USP3: variants seen among roughly 807,000 people sequenced by gnomAD.
USP3 encodes ubiquitin carboxyl-terminal hydrolase 3.
Under a neutral mutation model 72.3 loss-of-function variants are expected in USP3, and 20 were observed. The ratio of observed to expected loss-of-function variants is 0.28; its 90% CI spans 0.19 to 0.40. The LOEUF is 0.40. Among genes scored for constraint, USP3 ranks in the 10% least tolerant of loss-of-function variants. USP3 has a pLI of 1.00. For missense variants in USP3, 479 were observed against 633.9 expected (o/e 0.76, Z 2.62); for synonymous variants, 222 against 225.3 (o/e 0.99, Z 0.13).
rs1459616207 is a variant in USP3, at chr15:63,532,666, C to T, written c.111C>T (p.Ser37=). The T allele has an allele frequency of 1.1e-5, 18 of 1,613,844 alleles. No homozygotes were observed. The highest frequency in any genetic ancestry group is 1.5e-5 in the Non-Finnish European group (18 of 1,179,932). Residue 37 remains serine, a synonymous_variant, in exon 2 of 15, where the codon AGC becomes AGT. Transcript: ENST00000380324. ...WCCSVCRSNK[S]PWVCLTCSSV... is the part of the protein sequence containing the mutation. ...TATTAGTGTGCCGGTCCAACAAAAG[C>T]CCTTGGGTCTGTTTGACTTGTTCAA...
chr15:63,531,845 G>A (rs1413359315), intron 1 of USP3, among the ~76,000 whole-genome samples: 1 of 152,156 alleles, frequency 6.6e-6, no homozygotes, highest in Admixed American at 6.5e-5. Context: ...CACCTGGGAA[G>A]CTACTTTGCG....
At chr15:63,525,657 A>G (rs1001288811) in intron 1 of USP3, among the ~76,000 whole-genome samples, 6 of 152,230 alleles carry the variant, frequency 3.9e-5, no homozygotes, top group African/African-American at 7.2e-5. Context: ...AAATTTCAGC[A>G]TAGAATAGGC....
At position 63,589,019 on chromosome 15, in the gene USP3, C is replaced by A. The variant is rs1396139126; in HGVS notation, c.1397+8C>A. 1 of 1,612,986 alleles carries A rather than the reference C, an allele frequency of 6.2e-7. No individual in the cohort carries two copies. The highest frequency in any genetic ancestry group is 8.5e-7 in the Non-Finnish European group (1 of 1,180,024). ...GGTGCACCATGGTTCCGGGTGAGTACAACAGCCAGCTTCTGGTGGGTGGGA... is the reference window on the plus strand; with the variant it reads ...GGTGCACCATGGTTCCGGGTGAGTAAAACAGCCAGCTTCTGGTGGGTGGGA... On this transcript the variant is annotated splice_region_variant and intron_variant, in intron 14 of 14. Transcript: ENST00000380324.
At chr15:63,513,410 C>T (rs1392154323) in intron 1 of USP3, among the ~76,000 whole-genome samples, 1 of 152,168 alleles carries the variant, frequency 6.6e-6, no homozygotes, top group Non-Finnish European at 1.5e-5. Flanking sequence ...AATGGAGTCT[C>T]ACTCTGTCAC....
rs915425750 is a variant in USP3, at chr15:63,592,069, A to C, written c.*1243A>C. 2.6e-5 allele frequency: 4 copies of C among 151,004 alleles called. No homozygotes were observed. Among genetic ancestry groups the C allele is most frequent in the Admixed American group, 2.0e-4 (3 of 15,148 alleles). 9.4% of individuals were successfully genotyped at this position (151,004 alleles called of 1,614,324 possible). On this transcript the variant is annotated 3_prime_UTR_variant, in exon 15 of 15. Transcript: ENST00000380324. Reference sequence around the variant, plus strand: ...TGGGATTACAGGTGCCCACCACTACACCTGGCTAATTTTTTTTTTGTATTT... The same window carrying C: ...TGGGATTACAGGTGCCCACCACTACCCCTGGCTAATTTTTTTTTTGTATTT...
intron 1 of USP3, among the ~76,000 whole-genome samples, chr15:63,515,147 T>A (rs1372579858): frequency 6.6e-6 from 1 of 152,216 alleles, no homozygotes; most frequent in Admixed American, 6.5e-5. Flanking sequence ...CCACTATCCT[T>A]TCCCCTCGTT....
chr15:63,553,480 G>C lies in USP3; in HGVS notation c.285-235G>C, dbSNP rs945227398. 2.8e-6 allele frequency: 1 copy of C among 353,434 alleles called. No individual in the cohort carries two copies. Among genetic ancestry groups the C allele is most frequent in the East Asian group, 4.6e-5 (1 of 21,660 alleles). The allele number at this position is 353,434 out of a possible 1,614,324, so 21.9% of individuals were successfully genotyped here. On this transcript the variant is annotated intron_variant, in intron 3 of 14. Coordinates refer to ENST00000380324, the MANE Select transcript of USP3 (RefSeq NM_006537.4). The surrounding 1 kb of genome is among the most constrained non-coding windows in gnomAD (Gnocchi z 4.2). ...TTTCATTTTCAAAGGAGGAATTGAA[G>C]AGCTTTTGAGTAAAAAACGTGAAAA...
At chr15:63,537,656 G>A (rs1449104558) in intron 3 of USP3, among the ~76,000 whole-genome samples, 1 of 152,094 alleles carries the variant, frequency 6.6e-6, no homozygotes, top group African/African-American at 2.4e-5. Flanking sequence ...AAAGGTGAAT[G>A]TCAAGAATTT....
chr15:63,504,883 C>A, intron 1 of USP3, 53 bp downstream of exon 1: 4 of 1,419,068 alleles, frequency 2.8e-6, no homozygotes, highest in Non-Finnish European at 3.7e-6. Context: ...GCGGCTCTGC[C>A]GGGCCTGCCG....
At chr15:63,556,268 A>G (rs1343435567) in intron 4 of USP3, 1 of 156,462 alleles carries the variant, frequency 6.4e-6, no homozygotes, top group Non-Finnish European at 1.4e-5. Flanking sequence ...AAATTAAGAA[A>G]GAAATAGCAT....
intron 1 of USP3, among the ~76,000 whole-genome samples, chr15:63,527,235 T>A (rs554757900): frequency 9.1e-4 from 138 of 152,174 alleles, no homozygotes; most frequent in Admixed American, 2.7e-3. Flanking sequence ...GGGGACATGA[T>A]CATCACCTAC....
Position 63,574,295 on chromosome 15 carries a change from TCTCTG to T in USP3, c.1016-27_1016-23del, listed in dbSNP as rs2066826278. On this transcript the variant is annotated intron_variant, in intron 10 of 14. Coordinates refer to ENST00000380324, the MANE Select transcript of USP3 (RefSeq NM_006537.4). This position sits in a 1 kb window ranked among gnomAD's most constrained non-coding sequence, Gnocchi z 4.6. ...AATGGACATATATGCCTTTAACAGCTCTCTGTTTACCTCTCTCTCCTTTTAAGACC... is the reference window on the plus strand; with the variant it reads ...AATGGACATATATGCCTTTAACAGCTTTTACCTCTCTCTCCTTTTAAGACC... 6.4e-7 allele frequency: 1 copy of T among 1,552,406 alleles called. No homozygotes were observed. The highest frequency in any genetic ancestry group is 1.4e-5 in the African/African-American group (1 of 71,928).
chr15:63,580,650 A>ATATATATATATATATATATG (rs2066938655), intron 11 of USP3, among the ~76,000 whole-genome samples: 1 of 61,912 alleles, frequency 1.6e-5, no homozygotes, highest in African/African-American at 7.6e-5. Context: ...GCATATATAT[A>ATATATATATATATATATATG]TGAATATATA....
intron 1 of USP3, among the ~76,000 whole-genome samples, chr15:63,521,256 C>T (rs1210000465): frequency 1.3e-5 from 2 of 151,746 alleles, no homozygotes; most frequent in Admixed American, 1.3e-4. Flanking sequence ...GGATGTGCGA[C>T]AGTGAATTCA....
chr15:63,542,328 C>A, intron 3 of USP3: 1 of 371,650 alleles, frequency 2.7e-6, no homozygotes, highest in Non-Finnish European at 3.7e-6. Context: ...CATGTGACTG[C>A]TAGCTACTAT....
At chr15:63,547,753 GGAGGGAGGGAGAGAGAGAGAGAGAGAGA>G (rs757856549) in intron 3 of USP3, among the ~76,000 whole-genome samples, 4,956 of 40,126 alleles carry the variant, frequency 0.12, 349 homozygotes, top group Non-Finnish European at 0.16. Context: ...AGGGAGGGAG[GGAGGGAGGGAGAGAGAGAGAGAGAGAGA>G]GAGAGAGAGA....
chr15:63,558,306 T>TGC, intron 6 of USP3, 118 bp downstream of exon 6: 4 of 1,115,170 alleles, frequency 3.6e-6, no homozygotes, highest in Non-Finnish European at 5.2e-6. Context: ...ATACCTTAAT[T>TGC]TCCTGTGCTT....
intron 3 of USP3, among the ~76,000 whole-genome samples, chr15:63,543,255 A>G (rs2066271746): frequency 6.6e-6 from 1 of 152,126 alleles, no homozygotes; most frequent in Non-Finnish European, 1.5e-5. Context: ...CTTGGGACAG[A>G]TCGTGGTTTA....
intron 11 of USP3, among the ~76,000 whole-genome samples, chr15:63,587,021 A>G (rs2067080565): frequency 6.6e-6 from 1 of 152,184 alleles, no homozygotes; most frequent in Admixed American, 6.5e-5. Context: ...CGCGGACACA[A>G]AGGCTGACTA....
Sources: allele counts gnomAD v4.1 joint callset (sites outside exome capture counted in the v4.1 genomes callset), GRCh38; gene constraint gnomAD v4.1.1; non-coding constraint Gnocchi (gnomAD v3.1); transcripts MANE v1.5; gene names NCBI Gene and HGNC (gene_info 2026-07-23, HGNC 2026-07-21).